MIB1: variants seen among roughly 807,000 people sequenced by gnomAD.
The protein encoded by MIB1 is E3 ubiquitin-protein ligase MIB1.
MIB1 carries 278 observed loss-of-function variants against 124.5 expected under a neutral mutation model. That is an observed-to-expected ratio of 2.23 (90% CI 2.02 to 2.47). MIB1 has a LOEUF of 2.47. MIB1 is among the 30% of genes most tolerant of loss of function. MIB1 has a pLI of 0.00. For missense variants in MIB1, 957 were observed against 1,254.4 expected, an observed-to-expected ratio of 0.76 and a Z score of 3.58; for synonymous variants, 446 against 429.4, an observed-to-expected ratio of 1.04 and a Z score of -0.48.
intron 1 of MIB1, among the ~76,000 whole-genome samples, chr18:21,726,235 C>A (rs1187943374): frequency 6.6e-6 from 1 of 151,854 alleles, no homozygotes; most frequent in East Asian, 1.9e-4. Flanking sequence ...CAGAACAATA[C>A]CCTGTCCCTT....
intron 1 of MIB1, among the ~76,000 whole-genome samples, chr18:21,708,977 G>A (rs969986079): frequency 5.9e-5 from 9 of 152,140 alleles, no homozygotes; most frequent in African/African-American, 2.2e-4. Flanking sequence ...TGAAACTCCA[G>A]AAGGGCCAGA....
intron 15 of MIB1, 28 bp downstream of exon 15, chr18:21,844,281 A>G (rs755671472): frequency 1.2e-6 from 2 of 1,607,758 alleles, no homozygotes; most frequent in Non-Finnish European, 1.7e-6. Context: ...TTCATTCAGT[A>G]CCAGTGGAAG....
chr18:21,774,895 C>G lies in MIB1; in HGVS notation c.636+1167C>G, dbSNP rs115573122. 7.7e-3 allele frequency among the ~76,000 whole-genome samples: 1,159 copies of G among 150,746 alleles called. 14 individuals are homozygous for G. The highest frequency in any genetic ancestry group is 0.027 in the African/African-American group (1,095 of 41,118). On this transcript the variant is annotated intron_variant, in intron 4 of 20. Coordinates refer to ENST00000261537, the MANE Select transcript of MIB1 (RefSeq NM_020774.4). ...TGGCCTGAATGAATGGAGAAAGTAT[C>G]CCAGTGTCCCCTTAATTTATTTCCA...
chr18:21,724,712 C>CAAAAAAAAAAAAAA (rs1193584277), intron 1 of MIB1, among the ~76,000 whole-genome samples: 1 of 20,758 alleles, frequency 4.8e-5, no homozygotes, highest in African/African-American at 3.3e-4. Context: ...CTCCCCCATC[C>CAAAAAAAAAAAAAA]AAAAAAAAAA....
chr18:21,802,398 C>T (rs2041659930), intron 9 of MIB1, among the ~76,000 whole-genome samples: 1 of 151,574 alleles, frequency 6.6e-6, no homozygotes, highest in African/African-American at 2.4e-5. Context: ...TTCTTTCCTC[C>T]ACTCCTTTTC....
chr18:21,799,245 T>A (rs1231131690), intron 8 of MIB1, among the ~76,000 whole-genome samples: 1 of 152,080 alleles, frequency 6.6e-6, no homozygotes, highest in Non-Finnish European at 1.5e-5. Context: ...GAAAAAAATA[T>A]CTTATGAAAG....
At chr18:21,801,800 T>G (rs2041653183) in intron 9 of MIB1, among the ~76,000 whole-genome samples, 1 of 152,114 alleles carries the variant, frequency 6.6e-6, no homozygotes, top group Non-Finnish European at 1.5e-5. Flanking sequence ...CTGGGAGACA[T>G]TTCTCTTAGG....
intron 6 of MIB1, among the ~76,000 whole-genome samples, chr18:21,789,633 G>A (rs1217202672): frequency 1.3e-5 from 2 of 151,860 alleles, no homozygotes; most frequent in Non-Finnish European, 2.9e-5. Context: ...GCTGGCCAAC[G>A]TAGCGAAACC....
chr18:21,708,958 G>T (rs1242873260), intron 1 of MIB1, among the ~76,000 whole-genome samples: 1 of 152,192 alleles, frequency 6.6e-6, no homozygotes, highest in South Asian at 2.1e-4. Context: ...AATGGTATGT[G>T]ATAGCTGATG....
chr18:21,759,479 G>C (rs1226697197), intron 1 of MIB1, among the ~76,000 whole-genome samples: 1 of 151,974 alleles, frequency 6.6e-6, no homozygotes, highest in Admixed American at 6.6e-5. Context: ...CTGACCTCTT[G>C]ATCCGCCTGC....
intron 1 of MIB1, among the ~76,000 whole-genome samples, chr18:21,705,723 G>T (rs771981160): frequency 6.6e-5 from 10 of 152,192 alleles, no homozygotes; most frequent in Admixed American, 3.3e-4. Flanking sequence ...CGGACCAGAA[G>T]TGAGCAATTT....
chr18:21,760,518 G>A (rs1227158694), intron 1 of MIB1, among the ~76,000 whole-genome samples: 2 of 152,186 alleles, frequency 1.3e-5, no homozygotes, highest in Admixed American at 6.5e-5. Context: ...CATTTGAAGT[G>A]TGGGAACCAA....
intron 1 of MIB1, among the ~76,000 whole-genome samples, chr18:21,722,854 C>T (rs746301658): frequency 2.0e-5 from 3 of 152,074 alleles, no homozygotes; most frequent in African/African-American, 4.8e-5. Flanking sequence ...ACCTAATAGC[C>T]ACATGACATC....
intron 1 of MIB1, among the ~76,000 whole-genome samples, chr18:21,720,224 G>A (rs2146357630): frequency 6.6e-6 from 1 of 152,292 alleles, no homozygotes; most frequent in Middle Eastern, 3.4e-3. Context: ...TCACTATGTT[G>A]TAACCTTTAA....
intron 1 of MIB1, among the ~76,000 whole-genome samples, chr18:21,709,147 T>G (rs973333771): frequency 6.6e-6 from 1 of 152,162 alleles, no homozygotes; most frequent in African/African-American, 2.4e-5. Context: ...AAACCCCGTC[T>G]CTGCTAAAAA....
intron 20 of MIB1, among the ~76,000 whole-genome samples, chr18:21,862,538 A>G (rs2042285140): frequency 6.6e-6 from 1 of 152,220 alleles, no homozygotes; most frequent in African/African-American, 2.4e-5. Context: ...CATATACCTG[A>G]CATACTTTTA....
intron 1 of MIB1, among the ~76,000 whole-genome samples, chr18:21,709,064 C>A (rs1182175018): frequency 1.3e-5 from 2 of 152,150 alleles, no homozygotes; most frequent in Admixed American, 6.5e-5. Context: ...CGCCTGTAAT[C>A]CCAGCACTTT....
At chr18:21,735,932 GGC>G (rs2040795085), upstream of MIB1, among the ~76,000 whole-genome samples, 1 of 152,204 alleles carries the variant, frequency 6.6e-6, no homozygotes, top group South Asian at 2.1e-4. Context: ...TGGGGGAAGG[GGC>G]AGTTGTGGGT....
In MIB1 at chr18:21,799,865, A is replaced by AT; in HGVS notation, c.1262_1263insT (p.Lys421AsnfsTer4). 2 of 1,611,152 alleles carry AT rather than the reference A, an allele frequency of 1.2e-6. No homozygotes were observed. The highest frequency in any genetic ancestry group is 1.7e-6 in the Non-Finnish European group (2 of 1,178,032). The stretch of plus-strand genomic sequence containing the variant: ...GAAAGACTCTCACAACTCCTGAAGA[A>AT]ATTATTTGAAACCCAAGAATCTGGT... On this transcript the variant is annotated frameshift_variant, in exon 9 of 21. Transcript: ENST00000261537. LOFTEE classifies it high-confidence loss of function.
Sources: gnomAD v4.1 joint callset for allele counts (sites outside exome capture counted in the v4.1 genomes callset) on GRCh38, gnomAD v4.1.1 for gene constraint, MANE v1.5 for transcripts, NCBI Gene and HGNC (gene_info 2026-07-23, HGNC 2026-07-21) for gene names.